The following SSPN variants were observed in gnomAD, a reference collection of about 807,000 sequenced individuals.
The protein encoded by SSPN is K-ras oncogene-associated protein.
A neutral mutation model predicts 19.1 loss-of-function variants in SSPN; 15 were observed. That is an observed-to-expected ratio of 0.78 (90% CI 0.52 to 1.21). The LOEUF is 1.21. SSPN is among the 50% of genes most tolerant of loss of function. The pLI, the probability that SSPN is intolerant of heterozygous loss-of-function variation, is 0.00. For missense variants in SSPN, 291 were observed against 314.0 expected, an observed-to-expected ratio of 0.93 and a Z score of 0.55; for synonymous variants, 147 against 140.3, an observed-to-expected ratio of 1.05 and a Z score of -0.34.
At chr12:26,124,862 G>A (rs1427486723) in intron 1 of SSPN, 5 of 1,354,632 alleles carry the variant, frequency 3.7e-6, no homozygotes, top group Non-Finnish European at 5.3e-6. Flanking sequence ...GGGAGACCTT[G>A]GGGGGATCTG....
chr12:26,170,849 C>A (rs1483248368), intron 1 of SSPN, among the ~76,000 whole-genome samples: 1 of 152,152 alleles, frequency 6.6e-6, no homozygotes, highest in Non-Finnish European at 1.5e-5. Flanking sequence ...TTCAATAATG[C>A]AAGTAATAAT....
intron 1 of SSPN, among the ~76,000 whole-genome samples, chr12:26,139,245 CTA>C (rs199784627): frequency 0.012 from 1,857 of 152,230 alleles, 37 homozygotes; most frequent in African/African-American, 0.042. Flanking sequence ...TCTTGCCAAC[CTA>C]TGAGTGCAAT....
At chr12:26,164,960 T>C (rs1260166362) in intron 1 of SSPN, among the ~76,000 whole-genome samples, 1 of 152,230 alleles carries the variant, frequency 6.6e-6, no homozygotes. Flanking sequence ...TGAATAGCAT[T>C]GGCGTTAGCT....
chr12:26,180,425 G>A (rs1944711734), intron 1 of SSPN: 1 of 152,102 alleles, frequency 6.6e-6, no homozygotes, highest in Admixed American at 6.6e-5. Context: ...AGTGTGAGGT[G>A]ACAAGGGAAG....
At chr12:26,218,847 A>G (rs959597773) in intron 1 of SSPN, among the ~76,000 whole-genome samples, 2 of 152,186 alleles carry the variant, frequency 1.3e-5, no homozygotes, top group African/African-American at 4.8e-5. Flanking sequence ...ATCACTTCTA[A>G]TACTTTATCT....
At chr12:26,152,758 C>T (rs1944532946) in intron 1 of SSPN, among the ~76,000 whole-genome samples, 1 of 152,104 alleles carries the variant, frequency 6.6e-6, no homozygotes, top group Non-Finnish European at 1.5e-5. Context: ...ATGTATGTAC[C>T]ATATCACTTC....
chr12:26,123,283 G>GT, intron 1 of SSPN: 3 of 1,343,936 alleles, frequency 2.2e-6, no homozygotes, highest in South Asian at 1.5e-5. Context: ...AGTGATCTCG[G>GT]TTTTTCCCCA....
Position 26,232,439 on chromosome 12 carries a change from A to G in SSPN, c.*1363A>G, listed in dbSNP as rs1591901713. 3 of 985,472 alleles carry G rather than the reference A, an allele frequency of 3.0e-6. No individual in the cohort carries two copies. Among genetic ancestry groups the G allele is most frequent in the Non-Finnish European group, 3.6e-6 (3 of 829,928 alleles). 61.0% of individuals were successfully genotyped at this position (985,472 alleles called of 1,614,324 possible). ...AGGAAGGAGCTAAAAATGGAAATTC[A>G]TGAAACATAAATGGTATCAAGAACT... On this transcript the variant is annotated 3_prime_UTR_variant, in exon 3 of 3. Coordinates refer to ENST00000242729, the MANE Select transcript of SSPN (RefSeq NM_005086.5).
chr12:26,178,761 C>T (rs888089753), intron 1 of SSPN, among the ~76,000 whole-genome samples: 1 of 152,164 alleles, frequency 6.6e-6, no homozygotes, highest in South Asian at 2.1e-4. Flanking sequence ...CAACTCTGGC[C>T]CCTGGTCTGT....
At chr12:26,135,270 G>A (rs952273377) in intron 1 of SSPN, among the ~76,000 whole-genome samples, 8 of 152,116 alleles carry the variant, frequency 5.3e-5, no homozygotes, top group Non-Finnish European at 1.2e-4. Flanking sequence ...TCACAGGAGG[G>A]GGTCCTGGGG....
chr12:26,192,836 C>T (rs1016684777), upstream of SSPN, among the ~76,000 whole-genome samples: 2 of 152,216 alleles, frequency 1.3e-5, no homozygotes, highest in East Asian at 3.8e-4. Context: ...TATATATGTA[C>T]AACTGTTTTA....
intron 1 of SSPN, 87 bp downstream of exon 1, chr12:26,196,038 T>C (rs1034883545): frequency 9.0e-7 from 1 of 1,115,120 alleles, no homozygotes; most frequent in Non-Finnish European, 1.2e-6. Context: ...CCCAGCTGCA[T>C]GTGCCCTTCC....
At chr12:26,176,510 C>T (rs1035810599) in intron 1 of SSPN, among the ~76,000 whole-genome samples, 1 of 152,194 alleles carries the variant, frequency 6.6e-6, no homozygotes, top group African/African-American at 2.4e-5. Flanking sequence ...CCAGCAAGCA[C>T]CCTAGACTTG....
intron 1 of SSPN, among the ~76,000 whole-genome samples, chr12:26,127,647 C>T (rs1264333524): frequency 2.6e-5 from 4 of 152,030 alleles, no homozygotes; most frequent in African/African-American, 7.3e-5. Context: ...CTTTATCTTC[C>T]TTTCCCTTAT....
At chr12:26,215,416 G>T (rs1488365955) in intron 1 of SSPN, among the ~76,000 whole-genome samples, 1 of 152,148 alleles carries the variant, frequency 6.6e-6, no homozygotes, top group Non-Finnish European at 1.5e-5. Context: ...AGATACTTCT[G>T]TCAAAAGAGG....
chr12:26,194,825 A>G (rs919157665), upstream of SSPN, among the ~76,000 whole-genome samples: 1 of 152,144 alleles, frequency 6.6e-6, no homozygotes, highest in Non-Finnish European at 1.5e-5. Flanking sequence ...CATCTCTATG[A>G]AAAAAATTTT....
chr12:26,191,439 T>G (rs1332096611), upstream of SSPN, among the ~76,000 whole-genome samples: 1 of 151,944 alleles, frequency 6.6e-6, no homozygotes, highest in African/African-American at 2.4e-5. Flanking sequence ...TGCAACATAG[T>G]GAGACCCCAT....
intron 1 of SSPN, among the ~76,000 whole-genome samples, chr12:26,177,530 C>T (rs1944691957): frequency 6.6e-6 from 1 of 152,110 alleles, no homozygotes; most frequent in Non-Finnish European, 1.5e-5. Flanking sequence ...CCCATTCTGC[C>T]CCACCCGTAG....
chr12:26,186,119 G>C (rs80056048), intron 1 of SSPN, among the ~76,000 whole-genome samples: 1 of 152,066 alleles, frequency 6.6e-6, no homozygotes, highest in Non-Finnish European at 1.5e-5. Context: ...GGCAAGTGTT[G>C]AGCTTAGCTT....
Sources: allele counts gnomAD v4.1 joint callset (sites outside exome capture counted in the v4.1 genomes callset), GRCh38; gene constraint gnomAD v4.1.1; transcripts MANE v1.5; gene names NCBI Gene and HGNC (gene_info 2026-07-23, HGNC 2026-07-21).